SCUBE1: variants seen among roughly 807,000 people sequenced by gnomAD.
The protein encoded by SCUBE1 is signal peptide, CUB and EGF-like domain-containing protein 1.
In SCUBE1, 59 loss-of-function variants were observed where a neutral mutation model predicts 124.4. The ratio of observed to expected loss-of-function variants is 0.47; its 90% CI spans 0.38 to 0.59. SCUBE1 has a LOEUF of 0.59. Ranked by LOEUF, SCUBE1 falls within the 20% of genes least tolerant of loss-of-function variation. The pLI is 0.00. For synonymous variants in SCUBE1, 545 were observed against 550.9 expected (o/e 0.99, Z 0.15); for missense variants, 1,150 against 1,371.2 (o/e 0.84, Z 2.55).
intron 6 of SCUBE1, among the ~76,000 whole-genome samples, chr22:43,242,184 A>C (rs573054631): frequency 6.6e-6 from 1 of 152,278 alleles, no homozygotes; most frequent in African/African-American, 2.4e-5. Context: ...GGTGGGGCCG[A>C]GCACCGCGTC....
At chr22:43,270,969 G>A (rs945134751) in intron 4 of SCUBE1, among the ~76,000 whole-genome samples, 1 of 152,144 alleles carries the variant, frequency 6.6e-6, no homozygotes, top group African/African-American at 2.4e-5. Context: ...GTCCTTCTTC[G>A]AGCCCTGGGT....
chr22:43,211,120 G>A lies in SCUBE1; in HGVS notation c.2222-37C>T, dbSNP rs1163969771. The A allele has an allele frequency of 1.9e-6, 3 of 1,577,950 alleles. No homozygotes were observed. Among genetic ancestry groups the A allele is most frequent in the Admixed American group, 1.8e-5 (1 of 54,054 alleles). On this transcript the variant is annotated intron_variant, in intron 17 of 21. Coordinates refer to ENST00000360835, the MANE Select transcript of SCUBE1 (RefSeq NM_173050.5). This position sits in a 1 kb window ranked among gnomAD's most constrained non-coding sequence, Gnocchi z 4.5. ...CACAAGGCAGTGTGGTGGGTGTGGAGGGGTGCAGGGAAAGGGCAGCACTGG... is the reference window on the plus strand; with the variant it reads ...CACAAGGCAGTGTGGTGGGTGTGGAAGGGTGCAGGGAAAGGGCAGCACTGG...
At chr22:43,220,393 C>T (rs1167287526) in intron 14 of SCUBE1, 57 bp downstream of exon 14, 7 of 1,582,038 alleles carry the variant, frequency 4.4e-6, no homozygotes, top group Non-Finnish European at 4.3e-6. Context: ...GGCAGCGCCA[C>T]CAGCCTGTCG....
intron 2 of SCUBE1, among the ~76,000 whole-genome samples, chr22:43,324,578 C>T (rs1370539516): frequency 6.6e-6 from 1 of 152,114 alleles, no homozygotes; most frequent in Non-Finnish European, 1.5e-5. Context: ...TCCTTTAATA[C>T]TTAAGAGATA....
At chr22:43,333,867 C>A (rs2146798969) in intron 2 of SCUBE1, among the ~76,000 whole-genome samples, 1 of 152,266 alleles carries the variant, frequency 6.6e-6, no homozygotes. Flanking sequence ...TGGTAGGGTT[C>A]TTGAGAGGAT....
chr22:43,339,677 CTCTAT>C (rs1927214975), intron 1 of SCUBE1, among the ~76,000 whole-genome samples: 1 of 50,378 alleles, frequency 2.0e-5, no homozygotes, highest in African/African-American at 1.1e-4. Context: ...ATTCTCCTCA[CTCTAT>C]CCCCCCACAA....
intron 4 of SCUBE1, among the ~76,000 whole-genome samples, chr22:43,286,062 T>C (rs1471750983): frequency 1.3e-5 from 2 of 152,232 alleles, no homozygotes; most frequent in South Asian, 2.1e-4. Context: ...TTCCAGGTCC[T>C]GACTCTGCGG....
intron 12 of SCUBE1, 55 bp from the exon 13 acceptor site, chr22:43,221,344 G>T (rs534549489): frequency 7.5e-5 from 77 of 1,027,360 alleles, no homozygotes; most frequent in Non-Finnish European, 1.0e-4. Flanking sequence ...GCAAGGAGGT[G>T]GTGGGGGACG....
At chr22:43,307,495 G>A (rs1221930482) in intron 3 of SCUBE1, among the ~76,000 whole-genome samples, 1 of 152,326 alleles carries the variant, frequency 6.6e-6, no homozygotes, top group Admixed American at 6.5e-5. Context: ...GGGACAAGGA[G>A]GACACGGAAA....
At chr22:43,301,081 T>C (rs570599556) in intron 3 of SCUBE1, among the ~76,000 whole-genome samples, 1 of 152,298 alleles carries the variant, frequency 6.6e-6, no homozygotes, top group Admixed American at 6.5e-5. Context: ...GCAAAACACC[T>C]GGTAGTTATT....
At chr22:43,221,493 A>T (rs556432138) in intron 12 of SCUBE1, among the ~76,000 whole-genome samples, 1 of 152,150 alleles carries the variant, frequency 6.6e-6, no homozygotes, top group Admixed American at 6.5e-5. Flanking sequence ...AGGTGAACAC[A>T]TGGATGGTGG....
chr22:43,298,040 G>T (rs956237859), intron 3 of SCUBE1, among the ~76,000 whole-genome samples: 1 of 152,236 alleles, frequency 6.6e-6, no homozygotes, highest in African/African-American at 2.4e-5. Flanking sequence ...GGGGGCTGAG[G>T]CCCCCACCGC....
rs1327261280 is a variant in SCUBE1, at chr22:43,218,594, G to A, written c.1688-136C>T. The A allele has an allele frequency of 2.9e-5, 25 of 876,410 alleles. No individual in the cohort carries two copies. The South Asian group carries it at 3.8e-4, about 13-fold the overall frequency. The allele number at this position is 876,410 out of a possible 1,614,324, so 54.3% of individuals were successfully genotyped here. On this transcript the variant is annotated intron_variant, in intron 14 of 21. Coordinates refer to ENST00000360835, the MANE Select transcript of SCUBE1 (RefSeq NM_173050.5). ...AGCACATTCTCACAACAGTCCTGGG[G>A]CAAGGGGCCACTGTCATGCCCATCT...
At chr22:43,239,215 G>A (rs1301083769) in intron 6 of SCUBE1, among the ~76,000 whole-genome samples, 3 of 152,244 alleles carry the variant, frequency 2.0e-5, no homozygotes, top group Non-Finnish European at 4.4e-5. Flanking sequence ...AACTGCAGAG[G>A]GCTGTGCTTA....
chr22:43,294,308 T>C (rs886121332), intron 3 of SCUBE1, among the ~76,000 whole-genome samples: 3 of 152,194 alleles, frequency 2.0e-5, no homozygotes, highest in Admixed American at 1.3e-4. Flanking sequence ...ACACGCCTCT[T>C]GCACCCCTGT....
chr22:43,236,094 G>A (rs139021), intron 7 of SCUBE1, among the ~76,000 whole-genome samples: 37,718 of 152,034 alleles, frequency 0.25, 5,242 homozygotes, highest in African/African-American at 0.37. Flanking sequence ...TTCAGAAAAC[G>A]TGGAGCCTTT....
Position 43,227,259 on chromosome 22 carries a change from G to C in SCUBE1, c.1207+115C>G. The C allele has an allele frequency of 2.4e-6, 3 of 1,224,656 alleles. No individual in the cohort carries two copies. The Admixed American group carries it at 7.1e-5, about 29-fold the overall frequency. 75.9% of individuals were successfully genotyped at this position (1,224,656 alleles called of 1,614,324 possible). The stretch of plus-strand genomic sequence containing the variant: ...AGAGAACCTCTGCCTGGGAATGCAA[G>C]GCCTAGAGGAAAGGGAGGGGCTGTC... On this transcript the variant is annotated intron_variant, in intron 10 of 21. Transcript: ENST00000360835.
chr22:43,273,779 T>C (rs5759246), intron 4 of SCUBE1, among the ~76,000 whole-genome samples: 129,835 of 151,478 alleles, frequency 0.86, 56,151 homozygotes, highest in Non-Finnish European at 0.92. Flanking sequence ...CACCATGTTG[T>C]CCAGGCTGGT....
At chr22:43,302,709 C>T (rs1925820249) in intron 3 of SCUBE1, among the ~76,000 whole-genome samples, 1 of 152,204 alleles carries the variant, frequency 6.6e-6, no homozygotes, top group Admixed American at 6.5e-5. Flanking sequence ...GTGATCCTGG[C>T]TGGACATCTG....
Sources: gnomAD v4.1 joint callset for allele counts (sites outside exome capture counted in the v4.1 genomes callset) on GRCh38, gnomAD v4.1.1 for gene constraint, Gnocchi (gnomAD v3.1) non-coding constraint, MANE v1.5 for transcripts, NCBI Gene and HGNC (gene_info 2026-07-23, HGNC 2026-07-21) for gene names.